The following GDPD1 variants were observed in gnomAD, a reference collection of about 807,000 sequenced individuals.
The protein encoded by GDPD1 is glycerophosphodiester phosphodiesterase domain containing 1.
Under a neutral mutation model 45.1 loss-of-function variants are expected in GDPD1, and 28 were observed. The observed-to-expected ratio is 0.62, with a 90% CI of 0.46 to 0.85. GDPD1 has a LOEUF of 0.85. Ranked by LOEUF, GDPD1 falls within the 40% of genes least tolerant of loss-of-function variation. The pLI is 0.00. For synonymous variants in GDPD1, 139 were observed against 131.4 expected (o/e 1.06, Z -0.40); for missense variants, 256 against 364.8 (o/e 0.70, Z 2.43).
rs144783620 is a variant in GDPD1, at chr17:59,262,230, G to T, written c.576+4390G>T. Among the ~76,000 whole-genome samples the T allele has an allele frequency of 2.0e-5, 3 of 152,126 alleles. No homozygotes were observed. In the East Asian group the frequency reaches 5.8e-4, roughly 29 times the overall value. On this transcript the variant is annotated intron_variant, in intron 6 of 9. Transcript: ENST00000284116. ...GGCATTTTTTTAAAAATAAAAATAC[G>T]TTACCAGGGAGATGCAGCCTTCCAT...
At chr17:59,265,032 GA>G (rs2047388185) in intron 6 of GDPD1, among the ~76,000 whole-genome samples, 2 of 150,842 alleles carry the variant, frequency 1.3e-5, no homozygotes, top group African/African-American at 4.9e-5. Flanking sequence ...GTAGAGGCAG[GA>G]TTTCACCATG....
chr17:59,257,869 C>T, intron 6 of GDPD1, 29 bp downstream of exon 6: 1 of 1,361,560 alleles, frequency 7.3e-7, no homozygotes, highest in South Asian at 1.2e-5. Context: ...ACAGAATTAT[C>T]TATCTTTGTT....
intron 2 of GDPD1, among the ~76,000 whole-genome samples, chr17:59,242,083 GAC>G (rs1253541617): frequency 6.6e-6 from 1 of 152,048 alleles, no homozygotes; most frequent in Non-Finnish European, 1.5e-5. Flanking sequence ...TTGTTTTTGA[GAC>G]AGAGTCTTGC....
At chr17:59,273,133 C>T (rs1597996794) in intron 9 of GDPD1, 2 of 164,882 alleles carry the variant, frequency 1.2e-5, no homozygotes, top group Admixed American at 6.9e-5. Context: ...TTACTTTTTT[C>T]TTTTTTTTTT....
intron 2 of GDPD1, among the ~76,000 whole-genome samples, chr17:59,242,173 C>G (rs1009381563): frequency 1.3e-5 from 2 of 152,162 alleles, no homozygotes; most frequent in African/African-American, 4.8e-5. Flanking sequence ...CGAGATTCTT[C>G]TGCCTCAGCC....
In GDPD1 at chr17:59,275,166, T is replaced by G. The variant is rs1227077704; in HGVS notation, c.*1393T>G. The G allele has an allele frequency of 6.5e-7, 1 of 1,537,256 alleles. No homozygotes were observed. The highest frequency in any genetic ancestry group is 8.7e-7 in the Non-Finnish European group (1 of 1,146,856). On this transcript the variant is annotated 3_prime_UTR_variant, in exon 10 of 10. Coordinates refer to ENST00000284116, the MANE Select transcript of GDPD1 (RefSeq NM_182569.4). Reference sequence around the variant, plus strand: ...CAGTAAAAGAAATTTTGAAGGCCATTGCAGCTATTTGGTAGTGTCTTGTTA... The same window carrying G: ...CAGTAAAAGAAATTTTGAAGGCCATGGCAGCTATTTGGTAGTGTCTTGTTA...
At position 59,273,735 on chromosome 17, in the gene GDPD1, A is replaced by G. The variant is rs760701484; in HGVS notation, c.907A>G (p.Thr303Ala). The stretch of plus-strand genomic sequence containing the variant: ...AACTGGGGTGATGACAGACTATCCA[A>G]CAAAGCTTAGGGATTTTTTACATAA... The part of the protein sequence containing the change: ...GATGVMTDYP[T>A]KLRDFLHNFS... The change falls in exon 10 of 10, where the codon ACA (threonine) becomes GCA (alanine). Residue 303 changes from threonine to alanine, a missense_variant. Physicochemically the swap from Thr to Ala is moderately conservative, Grantham distance 58. Coordinates refer to ENST00000284116, the MANE Select transcript of GDPD1 (RefSeq NM_182569.4). 8 of 1,587,568 alleles carry G rather than the reference A, an allele frequency of 5.0e-6. No individual in the cohort carries two copies. The Admixed American group carries it at 8.7e-5, about 17-fold the overall frequency.
Position 59,275,453 on chromosome 17 carries a change from A to G in GDPD1, c.*1680A>G, listed in dbSNP as rs2047474333. On this transcript the variant is annotated 3_prime_UTR_variant, in exon 10 of 10. Transcript: ENST00000284116. ...CCATTTTTTTAAGCATTAAAAAGGA[A>G]CTTACCAGTTGTAAATTAAGACAAG... 7.1e-6 allele frequency: 2 copies of G among 282,328 alleles called. No individual in the cohort carries two copies. Among genetic ancestry groups the G allele is most frequent in the Non-Finnish European group, 1.3e-5 (2 of 149,114 alleles). 17.5% of individuals were successfully genotyped at this position (282,328 alleles called of 1,614,324 possible).
chr17:59,233,521 AAAAAAAAAG>A (rs1041694480), intron 1 of GDPD1, among the ~76,000 whole-genome samples: 1 of 150,980 alleles, frequency 6.6e-6, no homozygotes, highest in Non-Finnish European at 1.5e-5. Flanking sequence ...CAAAAAAAAA[AAAAAAAAAG>A]AAAGAAAAAA....
chr17:59,270,999 A>G lies in GDPD1; in HGVS notation c.770+4A>G. 6.4e-7 allele frequency: 1 copy of G among 1,566,744 alleles called. No homozygotes were observed. Among genetic ancestry groups the G allele is most frequent in the South Asian group, 1.1e-5 (1 of 87,976 alleles). ...TTCTCATCTGGCTTTCTGATCTGTAAGAATTTTAATTTCTTAATATGCAAG... is the reference window on the plus strand; with the variant it reads ...TTCTCATCTGGCTTTCTGATCTGTAGGAATTTTAATTTCTTAATATGCAAG... On this transcript the variant is annotated splice_donor_region_variant and intron_variant, in intron 8 of 9. Coordinates refer to ENST00000284116, the MANE Select transcript of GDPD1 (RefSeq NM_182569.4).
chr17:59,223,924 G>T (rs2047025547), intron 1 of GDPD1, among the ~76,000 whole-genome samples: 1 of 152,096 alleles, frequency 6.6e-6, no homozygotes, highest in Admixed American at 6.6e-5. Context: ...ACTCCGAGGG[G>T]TTGAATCACA....
intron 6 of GDPD1, among the ~76,000 whole-genome samples, chr17:59,260,029 C>T (rs562364222): frequency 1.8e-3 from 220 of 123,892 alleles, no homozygotes; most frequent in Non-Finnish European, 2.6e-3. Context: ...CCACTGCACT[C>T]CAGCCTGGGT....
chr17:59,220,553 T>A lies in GDPD1; in HGVS notation c.-57T>A. On this transcript the variant is annotated 5_prime_UTR_variant, in exon 1 of 10. Transcript: ENST00000284116. Reference sequence around the variant, plus strand: ...CCGCCGCCGCCGCCGTCGTTGCTACTGCCGCAGCGGAGTTCAGAGGGCCCG... The same window carrying A: ...CCGCCGCCGCCGCCGTCGTTGCTACAGCCGCAGCGGAGTTCAGAGGGCCCG... 6.4e-7 allele frequency: 1 copy of A among 1,569,670 alleles called. No homozygotes were observed. The highest frequency in any genetic ancestry group is 1.2e-5 in the South Asian group (1 of 86,748).
intron 1 of GDPD1, among the ~76,000 whole-genome samples, chr17:59,229,629 C>A (rs937474397): frequency 7.2e-5 from 11 of 152,132 alleles, no homozygotes; most frequent in African/African-American, 2.7e-4. Context: ...TCCCAAAGTG[C>A]TGGGATTACA....
At chr17:59,266,380 T>C (rs1597991665) in intron 6 of GDPD1, among the ~76,000 whole-genome samples, 1 of 139,914 alleles carries the variant, frequency 7.1e-6, no homozygotes, top group Admixed American at 7.4e-5. Context: ...AGAGTGAGAC[T>C]CCGTCTCAAA....
At chr17:59,229,107 T>G (rs1432265860) in intron 1 of GDPD1, among the ~76,000 whole-genome samples, 1 of 146,822 alleles carries the variant, frequency 6.8e-6, no homozygotes, top group Admixed American at 7.0e-5. Context: ...GGAAAAAAAT[T>G]TTTTTCCTCA....
chr17:59,274,251 G>A lies in GDPD1; in HGVS notation c.*478G>A. ...CATTGGGCTGAGTGTGGTGGCTCAT[G>A]CCTGTAATCCCAGCACTTTGGGAGG... On this transcript the variant is annotated 3_prime_UTR_variant, in exon 10 of 10. Transcript: ENST00000284116. 5.3e-6 allele frequency: 4 copies of A among 757,232 alleles called. No homozygotes were observed. The highest frequency in any genetic ancestry group is 6.0e-5 in the South Asian group (1 of 16,664). 46.9% of individuals were successfully genotyped at this position (757,232 alleles called of 1,614,324 possible). A position where few individuals can be genotyped will look rare whatever the true frequency, so the allele number is the denominator to read the frequency against.
chr17:59,273,417 C>T (rs867191817), intron 9 of GDPD1, among the ~76,000 whole-genome samples: 10 of 152,126 alleles, frequency 6.6e-5, no homozygotes, highest in African/African-American at 2.4e-4. Flanking sequence ...CGTGAGCCAC[C>T]GCGCTCAGCC....
chr17:59,268,678 C>G (rs926280841), intron 7 of GDPD1, among the ~76,000 whole-genome samples: 9 of 151,092 alleles, frequency 6.0e-5, no homozygotes, highest in East Asian at 3.9e-4. Context: ...TATAGCATGT[C>G]TCAATAAAGG....
Sources: gnomAD v4.1 joint callset for allele counts (sites outside exome capture counted in the v4.1 genomes callset) on GRCh38, gnomAD v4.1.1 for gene constraint, MANE v1.5 for transcripts, NCBI Gene and HGNC (gene_info 2026-07-23, HGNC 2026-07-21) for gene names.